The following DIP2C variants were observed in gnomAD, a reference collection of about 807,000 sequenced individuals.
DIP2C encodes the protein disco-interacting protein 2 homolog C.
DIP2C carries 33 observed loss-of-function variants against 192.4 expected under a neutral mutation model. That is an observed-to-expected ratio of 0.17 (90% CI 0.13 to 0.23). The LOEUF is 0.23. Among genes scored for constraint, DIP2C ranks in the 10% least tolerant of loss-of-function variants. The pLI, the probability that DIP2C is intolerant of heterozygous loss-of-function variation, is 1.00. For synonymous variants in DIP2C, 979 were observed against 864.1 expected, an observed-to-expected ratio of 1.13 and a Z score of -2.33; for missense variants, 1,537 against 2,110.1, an observed-to-expected ratio of 0.73 and a Z score of 5.32.
At chr10:305,516 G>A (rs1252555760) in intron 32 of DIP2C, among the ~76,000 whole-genome samples, 1 of 152,196 alleles carries the variant, frequency 6.6e-6, no homozygotes, top group South Asian at 2.1e-4. Context: ...AATTAATTTA[G>A]TATCTATGCT....
At chr10:493,298 C>T (rs528288427) in intron 1 of DIP2C, among the ~76,000 whole-genome samples, 2 of 152,294 alleles carry the variant, frequency 1.3e-5, no homozygotes, top group Non-Finnish European at 2.9e-5. Context: ...AGGAAAGAAA[C>T]CCGACCTGTA....
At chr10:420,028 T>C (rs948097761) in intron 5 of DIP2C, among the ~76,000 whole-genome samples, 2 of 152,170 alleles carry the variant, frequency 1.3e-5, no homozygotes, top group African/African-American at 2.4e-5. Context: ...GGCGCCACGA[T>C]GCGGATCGCG....
chr10:457,265 G>A (rs969722349), intron 3 of DIP2C, among the ~76,000 whole-genome samples: 5 of 151,886 alleles, frequency 3.3e-5, no homozygotes, highest in African/African-American at 1.2e-4. Flanking sequence ...TCCCTTCTGT[G>A]GACTTAATTT....
intron 1 of DIP2C, among the ~76,000 whole-genome samples, chr10:598,467 T>TG (rs1851850862): frequency 6.6e-6 from 1 of 152,180 alleles, no homozygotes; most frequent in Non-Finnish European, 1.5e-5. Flanking sequence ...GCATTTCCTG[T>TG]GGGAAAGTCA....
At chr10:357,974 A>G (rs192541755) in intron 22 of DIP2C, 37 bp from the exon 23 acceptor site, 15 of 1,542,318 alleles carry the variant, frequency 9.7e-6, no homozygotes, top group African/African-American at 8.2e-5. Flanking sequence ...GAGGAAACAA[A>G]AGAGAAATTC....
rs754165709 is a variant in DIP2C at position 415,876 on chromosome 10, C to T, written c.752G>A (p.Ser251Asn). 6.2e-7 allele frequency: 1 copy of T among 1,613,806 alleles called. No individual in the cohort carries two copies. The highest frequency in any genetic ancestry group is 1.7e-5 in the Admixed American group (1 of 59,972). Residue 251 changes from serine (S) to asparagine (N), a missense_variant, in exon 7 of 37, where the codon AGT becomes AAT. By Grantham distance (46) the Ser-to-Asn change is conservative. This residue lies in a region of DIP2C where 473 missense variants were observed against 539.6 expected (regional missense o/e 0.88). Transcript: ENST00000280886. ...CTGGATTTTTGCTGACACCCGGCTACTTACTGGTACTCCTGAAAAACAGGA... is the reference window on the plus strand; with the variant it reads ...CTGGATTTTTGCTGACACCCGGCTATTTACTGGTACTCCTGAAAAACAGGA... ...LMETGDGVPV[S>N]SRVSAKIQQL... is the part of the protein sequence containing the mutation.
At chr10:359,935 C>T (rs955533893) in intron 22 of DIP2C, among the ~76,000 whole-genome samples, 2 of 152,156 alleles carry the variant, frequency 1.3e-5, no homozygotes, top group African/African-American at 4.8e-5. Flanking sequence ...AAGCTCTGAG[C>T]CTTCTCCTTG....
chr10:395,650 CAA>C (rs1023562722), intron 10 of DIP2C, among the ~76,000 whole-genome samples: 3 of 148,552 alleles, frequency 2.0e-5, no homozygotes, highest in Non-Finnish European at 4.5e-5. Flanking sequence ...CATCTGTAGG[CAA>C]AGTCACCTCA....
intron 1 of DIP2C, among the ~76,000 whole-genome samples, chr10:544,128 G>T (rs562109761): frequency 4.0e-5 from 6 of 150,584 alleles, no homozygotes; most frequent in African/African-American, 1.5e-4. Flanking sequence ...AAGGTGAGTG[G>T]AATCGCACAG....
chr10:659,465 T>C (rs1588705846), intron 1 of DIP2C, among the ~76,000 whole-genome samples: 1 of 152,248 alleles, frequency 6.6e-6, no homozygotes. Context: ...TGTAACTTCT[T>C]GTAATTAATA....
At chr10:454,918 CTT>C (rs1048846639) in intron 3 of DIP2C, among the ~76,000 whole-genome samples, 9 of 152,158 alleles carry the variant, frequency 5.9e-5, no homozygotes, top group Admixed American at 4.6e-4. Flanking sequence ...AGCTTTAAAT[CTT>C]TAGAAAAACC....
chr10:510,860 C>T (rs532362459), intron 1 of DIP2C, among the ~76,000 whole-genome samples: 52 of 152,332 alleles, frequency 3.4e-4, no homozygotes, highest in African/African-American at 1.2e-3. Flanking sequence ...CCAATATCTG[C>T]ATGCTGGCTG....
At chr10:603,618 C>A (rs1007948146) in intron 1 of DIP2C, among the ~76,000 whole-genome samples, 7 of 152,180 alleles carry the variant, frequency 4.6e-5, no homozygotes, top group Non-Finnish European at 8.8e-5. Context: ...GTTCTGCCAT[C>A]GTTTGTGTCT....
intron 4 of DIP2C, among the ~76,000 whole-genome samples, chr10:434,658 G>A (rs758845723): frequency 7.2e-5 from 11 of 152,162 alleles, no homozygotes; most frequent in Non-Finnish European, 1.2e-4. Flanking sequence ...TGCAAGGCAG[G>A]TCTACTGGCA....
At chr10:378,330 C>A (rs900537595) in intron 17 of DIP2C, among the ~76,000 whole-genome samples, 4 of 152,118 alleles carry the variant, frequency 2.6e-5, no homozygotes, top group African/African-American at 4.8e-5. Flanking sequence ...CACATGAACA[C>A]GAAGGTGAAA....
rs541943063 is a variant in DIP2C at position 676,841 on chromosome 10, A to C, written c.85+12653T>G. ...AACTAATGGATACAAAATTACATCTAGATAGGAAAAATGAGGTTTAGTGTT... is the reference window on the plus strand; with the variant it reads ...AACTAATGGATACAAAATTACATCTCGATAGGAAAAATGAGGTTTAGTGTT... On this transcript the variant is annotated intron_variant, in intron 1 of 36. Transcript: ENST00000280886. 2.1e-3 allele frequency among the ~76,000 whole-genome samples: 325 copies of C among 152,246 alleles called. 1 individual carries two copies. The highest frequency in any genetic ancestry group is 6.8e-3 in the Middle Eastern group (2 of 294).
chr10:383,618 A>T (rs1325698707), intron 16 of DIP2C, among the ~76,000 whole-genome samples: 2 of 152,244 alleles, frequency 1.3e-5, no homozygotes, highest in South Asian at 2.1e-4. Context: ...AAGTACTAGC[A>T]GTCAAGTATT....
intron 1 of DIP2C, among the ~76,000 whole-genome samples, chr10:671,253 G>A (rs866397295): frequency 5.3e-5 from 8 of 152,246 alleles, no homozygotes; most frequent in Admixed American, 6.5e-5. Context: ...GGCCTCCAGC[G>A]TGGACGGAGA....
intron 1 of DIP2C, among the ~76,000 whole-genome samples, chr10:558,497 C>T (rs12261340): frequency 0.21 from 31,956 of 152,054 alleles, 5,607 homozygotes; most frequent in African/African-American, 0.48. Context: ...GATGTAGATA[C>T]GGGGGGTGGA....
Sources: gnomAD v4.1 joint callset for allele counts (sites outside exome capture counted in the v4.1 genomes callset) on GRCh38, gnomAD v4.1.1 for gene constraint, gnomAD v4.1.1 regional missense constraint, MANE v1.5 for transcripts, NCBI Gene and HGNC (gene_info 2026-07-23, HGNC 2026-07-21) for gene names.